The following GNG7 variants were observed in gnomAD, a reference collection of about 807,000 sequenced individuals.
GNG7 encodes guanine nucleotide-binding protein G(I)/G(S)/G(O) subunit gamma-7.
In GNG7, 1 loss-of-function variant was observed where a neutral mutation model predicts 4.0. The observed-to-expected ratio is 0.25, with a 90% CI of 0.09 to 1.18. The LOEUF (loss-of-function observed/expected upper bound fraction) is 1.18. GNG7 is among the 50% of genes most tolerant of loss of function. The pLI is 0.50. For synonymous variants in GNG7, 34 were observed against 36.9 expected (o/e 0.92, Z 0.29); for missense variants, 86 against 91.9 (o/e 0.94, Z 0.26).
chr19:2,562,141 G>T (rs1263170048), intron 2 of GNG7, among the ~76,000 whole-genome samples: 1 of 152,134 alleles, frequency 6.6e-6, no homozygotes, highest in Non-Finnish European at 1.5e-5. Flanking sequence ...CCACTCAGGG[G>T]TTTGCAGTAA....
At chr19:2,551,589 G>GTATTTATA (rs1421883737) in intron 3 of GNG7, among the ~76,000 whole-genome samples, 1 of 145,754 alleles carries the variant, frequency 6.9e-6, no homozygotes, top group Non-Finnish European at 1.5e-5. Flanking sequence ...ATATAAATAT[G>GTATTTATA]CATTTATAAA....
chr19:2,672,987 T>G (rs1368882815), intron 1 of GNG7, among the ~76,000 whole-genome samples: 1 of 151,864 alleles, frequency 6.6e-6, no homozygotes, highest in Non-Finnish European at 1.5e-5. Context: ...CCGGGTGCGG[T>G]GGTTCATGCC....
chr19:2,512,437 G>A lies in GNG7; in HGVS notation c.*2585C>T, dbSNP rs770687575. ...CTTCTGGCAATGGCCACCTCCCTGG[G>A]GTCCGGGAGATGGTGGGGTCTGGAC... is the stretch of plus-strand genomic sequence containing the variant. On this transcript the variant is annotated 3_prime_UTR_variant, in exon 5 of 5. Transcript: ENST00000382159. The surrounding 1 kb of genome is among the most constrained non-coding windows in gnomAD (Gnocchi z 4.7). The A allele has an allele frequency of 1.1e-5, 10 of 899,582 alleles. No homozygotes were observed. The highest frequency in any genetic ancestry group is 1.3e-5 in the Non-Finnish European group (10 of 751,690). The allele number at this position is 899,582 out of a possible 1,614,324, so 55.7% of individuals were successfully genotyped here.
At chr19:2,682,759 A>G (rs908281914) in intron 1 of GNG7, among the ~76,000 whole-genome samples, 1 of 151,260 alleles carries the variant, frequency 6.6e-6, no homozygotes, top group African/African-American at 2.4e-5. Flanking sequence ...CCACGCCATG[A>G]GCCTTGGTTT....
At position 2,546,847 on chromosome 19, in the gene GNG7, G is replaced by A. The variant is rs898447131; in HGVS notation, c.-38+8302C>T. Among the ~76,000 whole-genome samples, 2 of 152,158 alleles carry A rather than the reference G, an allele frequency of 1.3e-5. No individual in the cohort carries two copies. Among genetic ancestry groups the A allele is most frequent in the Non-Finnish European group, 2.9e-5 (2 of 68,016 alleles). On this transcript the variant is annotated intron_variant, in intron 3 of 4. Transcript: ENST00000382159. The surrounding 1 kb of genome is among the most constrained non-coding windows in gnomAD (Gnocchi z 6.3). ...CGGTCATGTGAGAGTTTGCAAGCCC[G>A]GGAACCGGGGCCGGGCCAGGACACT...
intron 2 of GNG7, among the ~76,000 whole-genome samples, chr19:2,570,209 C>T (rs1437599387): frequency 6.6e-6 from 1 of 152,180 alleles, no homozygotes; most frequent in Non-Finnish European, 1.5e-5. Context: ...GTTCCCCCTT[C>T]ACCTTCTGCC....
At chr19:2,650,036 T>C (rs11880582) in intron 1 of GNG7, among the ~76,000 whole-genome samples, 72,657 of 151,922 alleles carry the variant, frequency 0.48, 17,361 homozygotes, top group East Asian at 0.54. Context: ...TGTCAAAGAC[T>C]CGCTCCTTTC....
chr19:2,517,143 TC>T (rs1972747286), intron 4 of GNG7: 1 of 152,194 alleles, frequency 6.6e-6, no homozygotes. Flanking sequence ...GAGGGGATGA[TC>T]CGAGAAGGAT....
At chr19:2,629,591 A>G (rs1319909207) in intron 2 of GNG7, among the ~76,000 whole-genome samples, 1 of 152,220 alleles carries the variant, frequency 6.6e-6, no homozygotes, top group Non-Finnish European at 1.5e-5. Flanking sequence ...CTAAAGAGGT[A>G]GTGGACAAGA....
chr19:2,579,935 G>A (rs943458127), intron 2 of GNG7, among the ~76,000 whole-genome samples: 1 of 152,148 alleles, frequency 6.6e-6, no homozygotes, highest in Non-Finnish European at 1.5e-5. Flanking sequence ...GAGGTTCCAG[G>A]GGAGAACGCT....
intron 1 of GNG7, among the ~76,000 whole-genome samples, chr19:2,681,179 A>C (rs1182822027): frequency 6.7e-6 from 1 of 150,106 alleles, no homozygotes; most frequent in Non-Finnish European, 1.5e-5. Context: ...GTAGCAACCA[A>C]CTTTTTTTAT....
rs1982028382 is a variant in GNG7, at chr19:2,626,612, T to C, written c.-78+19612A>G. On this transcript the variant is annotated intron_variant, in intron 2 of 4. Transcript: ENST00000382159. This position sits in a 1 kb window ranked among gnomAD's most constrained non-coding sequence, Gnocchi z 5.0. ...CTTCCTCCAGGAAGCCCTCCCTGAA[T>C]TCCCGAACAAAGCTCCTGGTGTGGG... Among the ~76,000 whole-genome samples, 1 of 152,184 alleles carries C rather than the reference T, an allele frequency of 6.6e-6. No homozygotes were observed. Among genetic ancestry groups the C allele is most frequent in the Non-Finnish European group, 1.5e-5 (1 of 68,024 alleles).
chr19:2,634,132 G>A lies in GNG7; in HGVS notation c.-78+12092C>T, dbSNP rs1175960216. On this transcript the variant is annotated intron_variant, in intron 2 of 4. Coordinates refer to ENST00000382159, the MANE Select transcript of GNG7 (RefSeq NM_052847.3). The surrounding 1 kb of genome is among the most constrained non-coding windows in gnomAD (Gnocchi z 5.3). ...GCTGGGGGTCCTCCTGGTTTACACC[G>A]TCTGCCCCACTGGGCGTTTATGGTG... Among the ~76,000 whole-genome samples, 4 of 152,316 alleles carry A rather than the reference G, an allele frequency of 2.6e-5. No homozygotes were observed. The highest frequency in any genetic ancestry group is 6.5e-5 in the Admixed American group (1 of 15,300).
chr19:2,559,393 C>T (rs1477588366), intron 2 of GNG7, among the ~76,000 whole-genome samples: 2 of 150,622 alleles, frequency 1.3e-5, no homozygotes, highest in East Asian at 3.9e-4. Flanking sequence ...GCTCTGTTGC[C>T]CAGGCTGGAG....
chr19:2,584,028 G>A (rs1654413188), intron 2 of GNG7, among the ~76,000 whole-genome samples: 1 of 152,162 alleles, frequency 6.6e-6, no homozygotes, highest in African/African-American at 2.4e-5. Context: ...TCACCAGGAT[G>A]GGTTGGAGAA....
chr19:2,659,130 T>G (rs1010991123), intron 1 of GNG7, among the ~76,000 whole-genome samples: 2 of 151,686 alleles, frequency 1.3e-5, no homozygotes, highest in East Asian at 2.0e-4. Flanking sequence ...CCACCACACC[T>G]GGCTAATTTT....
chr19:2,640,216 GAGAAAGAGAGAGGGAGAAGGAA>G (rs1982469508), intron 2 of GNG7, among the ~76,000 whole-genome samples: 1 of 150,090 alleles, frequency 6.7e-6, no homozygotes. Context: ...AGGAAGGCGA[GAGAAAGAGAGAGGGAGAAGGAA>G]AGAAAGAGAG....
chr19:2,513,450 G>T lies in GNG7; in HGVS notation c.*1572C>A. 1.1e-6 allele frequency: 1 copy of T among 942,120 alleles called. No individual in the cohort carries two copies. Among genetic ancestry groups the T allele is most frequent in the Non-Finnish European group, 1.3e-6 (1 of 790,440 alleles). The allele number at this position is 942,120 out of a possible 1,614,324, so 58.4% of individuals were successfully genotyped here. Reference sequence around the variant, plus strand: ...CCGCAGGTGATGCCGGCAGGCCCTGGAAGATGTGGCTGCACCTGCTCCCGT... The same window carrying T: ...CCGCAGGTGATGCCGGCAGGCCCTGTAAGATGTGGCTGCACCTGCTCCCGT... On this transcript the variant is annotated 3_prime_UTR_variant, in exon 5 of 5. Coordinates refer to ENST00000382159, the MANE Select transcript of GNG7 (RefSeq NM_052847.3).
Position 2,615,165 on chromosome 19 carries a change from CT to C in GNG7, c.-78+31058del, listed in dbSNP as rs759241731. Among the ~76,000 whole-genome samples the C allele has an allele frequency of 2.1e-3, 307 of 145,328 alleles. 2 individuals carry two copies. Among genetic ancestry groups the C allele is most frequent in the Non-Finnish European group, 2.5e-3 (163 of 65,884 alleles). ...GTCTGAAGGTGCCATCTGTGACACT[CT>C]TTTTTTTTTTTTTGAGACGGAGTCT... On this transcript the variant is annotated intron_variant, in intron 2 of 4. Coordinates refer to ENST00000382159, the MANE Select transcript of GNG7 (RefSeq NM_052847.3).
Sources: gnomAD v4.1 joint callset for allele counts (sites outside exome capture counted in the v4.1 genomes callset) on GRCh38, gnomAD v4.1.1 for gene constraint, Gnocchi (gnomAD v3.1) non-coding constraint, MANE v1.5 for transcripts, NCBI Gene and HGNC (gene_info 2026-07-23, HGNC 2026-07-21) for gene names.